ANKFY1: variants seen among roughly 807,000 people sequenced by gnomAD.
ANKFY1 encodes the protein ankyrin repeat and FYVE domain-containing protein 1.
In ANKFY1, 47 loss-of-function variants were observed where a neutral mutation model predicts 128.3. The observed-to-expected ratio is 0.37, with a 90% CI of 0.29 to 0.47. The LOEUF is 0.47. ANKFY1 is among the 20% of genes least tolerant of loss of function. The pLI, the probability that ANKFY1 is intolerant of heterozygous loss-of-function variation, is 1.00. For missense variants in ANKFY1, 1,222 were observed against 1,510.6 expected, an observed-to-expected ratio of 0.81 and a Z score of 3.17; for synonymous variants, 553 against 601.6, an observed-to-expected ratio of 0.92 and a Z score of 1.18.
rs1257663646 is a variant in ANKFY1 at position 4,177,133 on chromosome 17, C to A, written c.2768G>T (p.Arg923Leu). ...TACTTCTGTGTCACTTACCAAATTG[C>A]GGACAATAATTTCTGAGCCTGCTTG... ...AVQAGSEIIV[R>L]NLLLAGAKVN... The change falls in exon 19 of 25, where the codon CGC (arginine) becomes CTC (leucine). Residue 923 changes from arginine (R) to leucine (L), a missense_variant. Arg to Leu is a moderately radical substitution (Grantham distance 102). Transcript: ENST00000341657. 1 of 1,581,974 alleles carries A rather than the reference C, an allele frequency of 6.3e-7. No homozygotes were observed.
intron 22 of ANKFY1, 134 bp from the exon 23 acceptor site, chr17:4,170,995 A>C: frequency 7.5e-7 from 1 of 1,325,594 alleles, no homozygotes; most frequent in Non-Finnish European, 1.0e-6. Flanking sequence ...CCACAGACAT[A>C]CGGGGGCCCC....
In ANKFY1 at chr17:4,166,994, G is replaced by A. The variant is rs916206617; in HGVS notation, c.*785C>T. On this transcript the variant is annotated 3_prime_UTR_variant, in exon 25 of 25. Coordinates refer to ENST00000341657, the MANE Select transcript of ANKFY1 (RefSeq NM_001330063.2). Reference sequence around the variant, plus strand: ...GCAGCTCTATAAAAAGTGCAGCACAGTAAAAGTGCATTTCCTCCAGCACTC... The same window carrying A: ...GCAGCTCTATAAAAAGTGCAGCACAATAAAAGTGCATTTCCTCCAGCACTC... 6.6e-6 allele frequency: 1 copy of A among 152,630 alleles called. No homozygotes were observed. The highest frequency in any genetic ancestry group is 2.4e-5 in the African/African-American group (1 of 41,452). 9.5% of individuals were successfully genotyped at this position (152,630 alleles called of 1,614,324 possible).
At chr17:4,168,136 T>A in intron 24 of ANKFY1, 1 of 270,682 alleles carries the variant, frequency 3.7e-6, no homozygotes, top group Non-Finnish European at 6.8e-6. Flanking sequence ...GAAGAAGGCT[T>A]TTTTTTTTTT....
At chr17:4,199,357 AT>A (rs947579862) in intron 7 of ANKFY1, among the ~76,000 whole-genome samples, 6 of 151,996 alleles carry the variant, frequency 3.9e-5, no homozygotes, top group African/African-American at 1.5e-4. Flanking sequence ...TGCCTGGCTT[AT>A]TTTTTATATT....
chr17:4,263,596 TC>T, intron 1 of ANKFY1: 2 of 1,534,666 alleles, frequency 1.3e-6, no homozygotes, highest in African/African-American at 1.4e-5. Flanking sequence ...AAGGCTTACT[TC>T]CCCCGGCGTC....
chr17:4,234,675 G>C (rs537497581), intron 3 of ANKFY1, among the ~76,000 whole-genome samples: 1 of 152,108 alleles, frequency 6.6e-6, no homozygotes, highest in East Asian at 1.9e-4. Flanking sequence ...ATCCTGTCCA[G>C]CTAATTTTTT....
At chr17:4,222,681 G>A (rs766052650) in intron 3 of ANKFY1, 6 of 861,996 alleles carry the variant, frequency 7.0e-6, no homozygotes, top group African/African-American at 1.6e-5. Flanking sequence ...GCCCTGACAC[G>A]CAGCTCCAAC....
chr17:4,260,724 A>G (rs1283923455), intron 1 of ANKFY1, among the ~76,000 whole-genome samples: 2 of 151,838 alleles, frequency 1.3e-5, no homozygotes, highest in African/African-American at 4.8e-5. Flanking sequence ...GACAGACTTT[A>G]GCTAAATATA....
chr17:4,218,013 C>G (rs1371519802), intron 3 of ANKFY1, among the ~76,000 whole-genome samples: 1 of 152,040 alleles, frequency 6.6e-6, no homozygotes, highest in Non-Finnish European at 1.5e-5. Context: ...ATAAAAAGAC[C>G]TTACAAATAA....
chr17:4,227,872 G>A (rs986296773), intron 3 of ANKFY1, among the ~76,000 whole-genome samples: 3 of 152,224 alleles, frequency 2.0e-5, no homozygotes, highest in African/African-American at 2.4e-5. Flanking sequence ...TATATCAAGC[G>A]TTAGTCAGGA....
At chr17:4,238,780 G>A (rs1278775748) in intron 2 of ANKFY1, among the ~76,000 whole-genome samples, 1 of 150,920 alleles carries the variant, frequency 6.6e-6, no homozygotes, top group Non-Finnish European at 1.5e-5. Context: ...TTTTTTTTTA[G>A]ACAGGGTCTC....
At chr17:4,200,307 G>A (rs937139374) in intron 7 of ANKFY1, among the ~76,000 whole-genome samples, 3 of 151,962 alleles carry the variant, frequency 2.0e-5, no homozygotes, top group Non-Finnish European at 2.9e-5. Flanking sequence ...CAAGCAATCC[G>A]CCCACCTCAG....
At chr17:4,202,489 G>A (rs1432899168) in intron 7 of ANKFY1, among the ~76,000 whole-genome samples, 1 of 151,190 alleles carries the variant, frequency 6.6e-6, no homozygotes, top group African/African-American at 2.4e-5. Flanking sequence ...ACGAGGTCAG[G>A]AGATCGAGAC....
At chr17:4,259,019 G>A (rs182950096) in intron 1 of ANKFY1, among the ~76,000 whole-genome samples, 14 of 152,350 alleles carry the variant, frequency 9.2e-5, no homozygotes, top group Admixed American at 9.1e-4. Context: ...GAAAGACTGT[G>A]CACCAGGGTG....
At chr17:4,201,096 T>A (rs2059919773) in intron 7 of ANKFY1, among the ~76,000 whole-genome samples, 1 of 152,226 alleles carries the variant, frequency 6.6e-6, no homozygotes, top group Non-Finnish European at 1.5e-5. Context: ...AGTGGTACCA[T>A]CATGGCTCAC....
At chr17:4,246,774 T>C (rs1965572457) in intron 1 of ANKFY1, among the ~76,000 whole-genome samples, 1 of 152,218 alleles carries the variant, frequency 6.6e-6, no homozygotes, top group South Asian at 2.1e-4. Context: ...TATTTATGCA[T>C]TAAGCATTTT....
intron 4 of ANKFY1, among the ~76,000 whole-genome samples, chr17:4,214,275 T>C (rs2060184447): frequency 6.6e-6 from 1 of 152,200 alleles, no homozygotes; most frequent in Non-Finnish European, 1.5e-5. Flanking sequence ...CTGGCAGACA[T>C]TTCACTGTCA....
chr17:4,222,570 T>A lies in ANKFY1; in HGVS notation c.323-5452A>T, dbSNP rs201989212. 8.7e-6 allele frequency: 11 copies of A among 1,258,046 alleles called. No homozygotes were observed. In the East Asian group the frequency reaches 2.6e-4, roughly 29 times the overall value. 77.9% of individuals were successfully genotyped at this position (1,258,046 alleles called of 1,614,324 possible). The stretch of plus-strand genomic sequence containing the variant: ...AGCTTTCCTGTACTGGCAAAGTAGA[T>A]TCTGAAGTTATGATACTAATGCAGC... On this transcript the variant is annotated intron_variant, in intron 3 of 24. Transcript: ENST00000341657.
At chr17:4,263,738 G>A (rs1968552363) in intron 1 of ANKFY1, 194 bp downstream of exon 1, 6 of 1,488,470 alleles carry the variant, frequency 4.0e-6, no homozygotes, top group Middle Eastern at 2.1e-4. Flanking sequence ...CATCGCGGGA[G>A]GGACGTTGTC....
Sources: gnomAD v4.1 joint callset for allele counts (sites outside exome capture counted in the v4.1 genomes callset) on GRCh38, gnomAD v4.1.1 for gene constraint, MANE v1.5 for transcripts, NCBI Gene and HGNC (gene_info 2026-07-23, HGNC 2026-07-21) for gene names.